The following NRG3 variants were observed in gnomAD, a reference collection of about 807,000 sequenced individuals.
NRG3 encodes neuregulin 3.
NRG3 carries 31 observed loss-of-function variants against 66.9 expected under a neutral mutation model. The ratio of observed to expected loss-of-function variants is 0.46; its 90% CI spans 0.35 to 0.63. The LOEUF (loss-of-function observed/expected upper bound fraction) is 0.63, where lower values mean the gene tolerates loss of function less well. Ranked by LOEUF, NRG3 falls within the 20% of genes least tolerant of loss-of-function variation. The pLI is 0.00. For missense variants in NRG3, 910 were observed against 878.9 expected, an observed-to-expected ratio of 1.04 and a Z score of -0.45; for synonymous variants, 393 against 359.4, an observed-to-expected ratio of 1.09 and a Z score of -1.06.
At chr10:82,657,146 T>C (rs2051935678) in intron 2 of NRG3, among the ~76,000 whole-genome samples, 1 of 152,204 alleles carries the variant, frequency 6.6e-6, no homozygotes, top group Non-Finnish European at 1.5e-5. Context: ...ACTTTGCTCT[T>C]TCACTCTCTC....
chr10:82,552,951 G>A (rs139439758), intron 2 of NRG3, among the ~76,000 whole-genome samples: 85 of 151,922 alleles, frequency 5.6e-4, no homozygotes, highest in African/African-American at 2.0e-3. Flanking sequence ...AGTTGACAAT[G>A]TACCTCCACA....
At chr10:82,362,791 A>G (rs2084271842) in intron 2 of NRG3, among the ~76,000 whole-genome samples, 1 of 152,044 alleles carries the variant, frequency 6.6e-6, no homozygotes, top group African/African-American at 2.4e-5. Flanking sequence ...CATAAACCAG[A>G]GGAAAATGAG....
Position 82,034,077 on chromosome 10 carries a change from C to T in NRG3, c.823+157914C>T, listed in dbSNP as rs532769574. The stretch of plus-strand genomic sequence containing the variant: ...ATTTCTGGCATTATGGCAAAAGCAA[C>T]GAAGCAAGAGCTAGTTCCTTCTCTT... On this transcript the variant is annotated intron_variant, in intron 1 of 8. Coordinates refer to ENST00000372141, the MANE Select transcript of NRG3 (RefSeq NM_001010848.4). Among the ~76,000 whole-genome samples, 10 of 152,202 alleles carry T rather than the reference C, an allele frequency of 6.6e-5. 1 individual carries two copies. The South Asian group carries it at 1.7e-3, about 25-fold the overall frequency.
At chr10:82,725,374 G>A (rs1306048902) in intron 2 of NRG3, among the ~76,000 whole-genome samples, 1 of 152,094 alleles carries the variant, frequency 6.6e-6, no homozygotes, top group Non-Finnish European at 1.5e-5. Flanking sequence ...CAGTGCTTTG[G>A]CTATTTAAGA....
chr10:82,778,293 C>T (rs2059984080), intron 3 of NRG3, among the ~76,000 whole-genome samples: 1 of 152,112 alleles, frequency 6.6e-6, no homozygotes, highest in Non-Finnish European at 1.5e-5. Flanking sequence ...GTGTACTAGT[C>T]CATTCTCAAA....
intron 1 of NRG3, chr10:82,230,107 G>A (rs2076384253): frequency 6.6e-6 from 1 of 152,188 alleles, no homozygotes; most frequent in Non-Finnish European, 1.5e-5. Flanking sequence ...ATGTGAAGAA[G>A]TTTTGAGAAT....
At chr10:82,083,724 A>AGCTGGGATT (rs1461439992) in intron 1 of NRG3, among the ~76,000 whole-genome samples, 5 of 150,724 alleles carry the variant, frequency 3.3e-5, no homozygotes. Context: ...CCTCCCGAGT[A>AGCTGGGATT]GCTGGGATTA....
At position 81,931,863 on chromosome 10, in the gene NRG3, G is replaced by A. The variant is rs139956487; in HGVS notation, c.823+55700G>A. 3.4e-3 allele frequency among the ~76,000 whole-genome samples: 512 copies of A among 152,128 alleles called. 2 individuals are homozygous for A. The highest frequency in any genetic ancestry group is 5.9e-3 in the Non-Finnish European group (401 of 67,982). ...AGGCAGAAAGCTTTTTTGTTTCATT[G>A]TTCAGGAGAGATTATGACTAAAAAC... On this transcript the variant is annotated intron_variant, in intron 1 of 8. Coordinates refer to ENST00000372141, the MANE Select transcript of NRG3 (RefSeq NM_001010848.4).
At chr10:82,217,421 C>T (rs746620460) in intron 1 of NRG3, among the ~76,000 whole-genome samples, 1 of 152,164 alleles carries the variant, frequency 6.6e-6, no homozygotes, top group Non-Finnish European at 1.5e-5. Context: ...CCCAGACTTT[C>T]TAAATTAGAT....
At chr10:82,689,238 A>C (rs1214363443) in intron 2 of NRG3, among the ~76,000 whole-genome samples, 6 of 152,182 alleles carry the variant, frequency 3.9e-5, no homozygotes, top group Non-Finnish European at 8.8e-5. Flanking sequence ...ATCTTCCAGT[A>C]ATCTCAAAAG....
chr10:82,736,725 G>A (rs2058171482), intron 2 of NRG3, among the ~76,000 whole-genome samples: 1 of 152,256 alleles, frequency 6.6e-6, no homozygotes, highest in African/African-American at 2.4e-5. Context: ...ATAGAATAAT[G>A]CATTTTAAGT....
intron 2 of NRG3, among the ~76,000 whole-genome samples, chr10:82,439,865 GTAT>G (rs1388569763): frequency 1.3e-5 from 2 of 151,740 alleles, no homozygotes; most frequent in African/African-American, 4.8e-5. Context: ...TGTTTTTATG[GTAT>G]TATGTTTATT....
chr10:82,109,319 A>G (rs2132219845), intron 1 of NRG3, among the ~76,000 whole-genome samples: 1 of 152,302 alleles, frequency 6.6e-6, no homozygotes, highest in African/African-American at 2.4e-5. Context: ...CGGGACAATC[A>G]TCTGGACAAA....
At chr10:81,891,363 G>A (rs1159470070) in intron 1 of NRG3, among the ~76,000 whole-genome samples, 2 of 152,208 alleles carry the variant, frequency 1.3e-5, no homozygotes, top group Admixed American at 1.3e-4. Context: ...GGACAGCAAT[G>A]TGCTGTTGGC....
At chr10:82,563,096 A>C (rs2045160224) in intron 2 of NRG3, among the ~76,000 whole-genome samples, 1 of 152,214 alleles carries the variant, frequency 6.6e-6, no homozygotes, top group Admixed American at 6.5e-5. Flanking sequence ...CTAAAGATTT[A>C]GAACATGGCA....
chr10:82,732,663 A>T (rs1286419108), intron 2 of NRG3, among the ~76,000 whole-genome samples: 1 of 152,158 alleles, frequency 6.6e-6, no homozygotes, highest in Non-Finnish European at 1.5e-5. Context: ...ATCATGCACC[A>T]CAGGTATTGT....
At chr10:82,019,383 T>A (rs2061948617) in intron 1 of NRG3, among the ~76,000 whole-genome samples, 1 of 152,244 alleles carries the variant, frequency 6.6e-6, no homozygotes, top group Non-Finnish European at 1.5e-5. Flanking sequence ...TCTGGGATTA[T>A]GATCTAAAAT....
chr10:82,000,893 C>T (rs1309817676), intron 1 of NRG3, among the ~76,000 whole-genome samples: 7 of 152,128 alleles, frequency 4.6e-5, no homozygotes, highest in African/African-American at 1.7e-4. Context: ...AGTTGCTATT[C>T]TGGGTTTGTT....
At chr10:82,107,096 G>T (rs544401100) in intron 1 of NRG3, among the ~76,000 whole-genome samples, 53 of 152,212 alleles carry the variant, frequency 3.5e-4, no homozygotes, top group Non-Finnish European at 6.6e-4. Flanking sequence ...AATATTTTGG[G>T]ACCAGAAGTG....
Sources: allele counts gnomAD v4.1 joint callset (sites outside exome capture counted in the v4.1 genomes callset), GRCh38; gene constraint gnomAD v4.1.1; transcripts MANE v1.5; gene names NCBI Gene and HGNC (gene_info 2026-07-23, HGNC 2026-07-21).